STT3B: variants seen among roughly 807,000 people sequenced by gnomAD.
The protein encoded by STT3B is STT3 oligosaccharyltransferase complex catalytic subunit B.
STT3B carries 29 observed loss-of-function variants against 96.8 expected under a neutral mutation model. The ratio of observed to expected loss-of-function variants is 0.30; its 90% confidence interval spans 0.22 to 0.41. The LOEUF is 0.41. Ranked by LOEUF, STT3B falls within the 10% of genes least tolerant of loss-of-function variation. The pLI, the probability that STT3B is intolerant of heterozygous loss-of-function variation, is 1.00. For synonymous variants in STT3B, 367 were observed against 360.0 expected, an observed-to-expected ratio of 1.02 and a Z score of -0.22; for missense variants, 640 against 1,022.3, an observed-to-expected ratio of 0.63 and a Z score of 5.10.
chr3:31,637,501 G>A lies in STT3B; in HGVS notation c.*1437G>A, dbSNP rs958851324. On this transcript the variant is annotated 3_prime_UTR_variant, in exon 16 of 16. Coordinates refer to ENST00000295770, the MANE Select transcript of STT3B (RefSeq NM_178862.3). ...AACATTTTCACAAATAGAGTGTAAC[G>A]AAGTCTGGATTTCTGATACCTTGTC... The A allele has an allele frequency of 2.0e-5, 3 of 152,272 alleles. No homozygotes were observed. The highest frequency in any genetic ancestry group is 2.9e-5 in the Non-Finnish European group (2 of 67,992). The allele number at this position is 152,272 out of a possible 1,614,324, so 9.4% of individuals were successfully genotyped here.
chr3:31,598,549 G>A (rs1024155375), intron 4 of STT3B, among the ~76,000 whole-genome samples: 1 of 152,154 alleles, frequency 6.6e-6, no homozygotes, highest in African/African-American at 2.4e-5. Context: ...GTAAATGAAG[G>A]AAAACTCTTA....
chr3:31,566,638 T>G (rs1698014317), intron 1 of STT3B, among the ~76,000 whole-genome samples: 1 of 152,206 alleles, frequency 6.6e-6, no homozygotes, highest in Non-Finnish European at 1.5e-5. Context: ...AATTGCTGGT[T>G]ACCCCCATCC....
At chr3:31,629,726 AGG>A (rs1332011946) in intron 14 of STT3B, among the ~76,000 whole-genome samples, 1 of 152,212 alleles carries the variant, frequency 6.6e-6, no homozygotes, top group Non-Finnish European at 1.5e-5. Flanking sequence ...TCTCCTAGCT[AGG>A]AAACAGTGTG....
chr3:31,540,738 C>A (rs994255268), intron 1 of STT3B, among the ~76,000 whole-genome samples: 1 of 151,782 alleles, frequency 6.6e-6, no homozygotes. Context: ...ATGTTGTTGC[C>A]CATACTGTTA....
intron 1 of STT3B, among the ~76,000 whole-genome samples, chr3:31,540,693 A>G (rs141590591): frequency 1.3e-5 from 2 of 152,296 alleles, no homozygotes; most frequent in African/African-American, 4.8e-5. Context: ...AGATATACAT[A>G]TATATACAAA....
chr3:31,557,889 C>G (rs1292938746), intron 1 of STT3B, among the ~76,000 whole-genome samples: 1 of 152,222 alleles, frequency 6.6e-6, no homozygotes, highest in African/African-American at 2.4e-5. Context: ...CTCAGCCTCC[C>G]AAAGTGTTGG....
At chr3:31,567,496 G>A (rs541578498) in intron 1 of STT3B, among the ~76,000 whole-genome samples, 67 of 152,184 alleles carry the variant, frequency 4.4e-4, no homozygotes, top group Non-Finnish European at 7.5e-4. Context: ...GCTCATTGTG[G>A]CCACAGCATT....
intron 1 of STT3B, among the ~76,000 whole-genome samples, chr3:31,569,181 A>G (rs1043213244): frequency 1.3e-5 from 2 of 151,896 alleles, no homozygotes; most frequent in African/African-American, 4.8e-5. Flanking sequence ...GCTAATTAAA[A>G]AACTTTTTTT....
At chr3:31,593,313 T>C (rs1367377272) in intron 3 of STT3B, among the ~76,000 whole-genome samples, 1 of 152,190 alleles carries the variant, frequency 6.6e-6, no homozygotes, top group Non-Finnish European at 1.5e-5. Context: ...TTTTTTCTGA[T>C]GCAAAGTCAA....
At chr3:31,571,973 A>G (rs1354095245) in intron 1 of STT3B, among the ~76,000 whole-genome samples, 6 of 132,474 alleles carry the variant, frequency 4.5e-5, no homozygotes, top group Admixed American at 7.5e-5. Context: ...AATATTAAAT[A>G]TATCAATATT....
Position 31,636,056 on chromosome 3 carries a change from A to T in STT3B, c.2473A>T (p.Thr825Ser). 1 of 1,607,112 alleles carries T rather than the reference A, an allele frequency of 6.2e-7. No homozygotes were observed. Among genetic ancestry groups the T allele is most frequent in the Non-Finnish European group, 8.5e-7 (1 of 1,176,516 alleles). Residue 825 changes from threonine to serine, a missense_variant, in exon 16 of 16, where the codon ACT (threonine) becomes TCT (serine). This residue lies in a region of STT3B where 51 missense variants were observed against 64.2 expected (regional missense o/e 0.79). Transcript: ENST00000295770. ...GAAAGGCAAGAAAATATCTAAGAAG[A>T]CTGTTTAAATGCACTGTTCTGGTTC... The part of the protein sequence containing the change: ...FKKGKKISKK[T>S]V
At chr3:31,596,930 T>A in intron 4 of STT3B, 67 bp downstream of exon 4, 18 of 1,149,194 alleles carry the variant, frequency 1.6e-5, no homozygotes, top group Non-Finnish European at 2.3e-5. Flanking sequence ...AGTTCTTTTC[T>A]CCTGAAGTCT....
At chr3:31,622,457 A>G (rs1257298157) in intron 10 of STT3B, 149 bp downstream of exon 10, 1 of 662,982 alleles carries the variant, frequency 1.5e-6, no homozygotes, top group Non-Finnish European at 2.6e-6. Context: ...GTTTGCCTCA[A>G]AATATGAATC....
intron 10 of STT3B, 58 bp downstream of exon 10, chr3:31,622,366 C>G: frequency 7.1e-7 from 1 of 1,403,440 alleles, no homozygotes; most frequent in East Asian, 2.4e-5. Context: ...ATTTTTCCAC[C>G]ACAGTAAGAA....
Position 31,549,741 on chromosome 3 carries a change from A to G in STT3B, c.314+16429A>G, listed in dbSNP as rs75114495. On this transcript the variant is annotated intron_variant, in intron 1 of 15. Coordinates refer to ENST00000295770, the MANE Select transcript of STT3B (RefSeq NM_178862.3). ...AACAATAAAGAAATGTAAATATAAC[A>G]TGTTTACATATAATATTTATTGGAG... Among the ~76,000 whole-genome samples the G allele has an allele frequency of 1.5e-3, 224 of 152,314 alleles. 6 individuals carry two copies. In the East Asian group the frequency reaches 0.04, roughly 27 times the overall value.
intron 2 of STT3B, among the ~76,000 whole-genome samples, chr3:31,578,195 G>T (rs183607997): frequency 6.6e-6 from 1 of 152,246 alleles, no homozygotes; most frequent in Non-Finnish European, 1.5e-5. Context: ...TCATAAGCAG[G>T]TCCTGACTTT....
intron 3 of STT3B, 121 bp downstream of exon 3, chr3:31,580,217 CT>C: frequency 1.1e-6 from 1 of 910,644 alleles, no homozygotes; most frequent in Non-Finnish European, 1.7e-6. Flanking sequence ...ATCTGTATTA[CT>C]GTTCATAATC....
intron 3 of STT3B, among the ~76,000 whole-genome samples, chr3:31,586,332 A>AAATG (rs397820893): frequency 5.9e-5 from 9 of 151,584 alleles, no homozygotes; most frequent in Non-Finnish European, 8.8e-5. Context: ...TTTTGGAAAT[A>AAATG]CTTTATCAGA....
intron 1 of STT3B, among the ~76,000 whole-genome samples, chr3:31,544,539 A>G (rs983124614): frequency 6.6e-6 from 1 of 152,244 alleles, no homozygotes; most frequent in Non-Finnish European, 1.5e-5. Flanking sequence ...CTAAAACAGT[A>G]TGCTGTAATG....
Sources: gnomAD v4.1 joint callset for allele counts (sites outside exome capture counted in the v4.1 genomes callset) on GRCh38, gnomAD v4.1.1 for gene constraint, gnomAD v4.1.1 regional missense constraint, MANE v1.5 for transcripts, NCBI Gene and HGNC (gene_info 2026-07-23, HGNC 2026-07-21) for gene names.